STAG1: variants seen among roughly 807,000 people sequenced by gnomAD.
The protein encoded by STAG1 is STAG1 cohesin complex component.
STAG1 carries 26 observed loss-of-function variants against 170.9 expected under a neutral mutation model. The ratio of observed to expected loss-of-function variants is 0.15; its 90% CI spans 0.11 to 0.21. The LOEUF is 0.21. STAG1 is among the 10% of genes least tolerant of loss of function. The pLI is 1.00. For synonymous variants in STAG1, 514 were observed against 497.7 expected (o/e 1.03, Z -0.44); for missense variants, 964 against 1,509.5 (o/e 0.64, Z 5.99).
intron 4 of STAG1, chr3:136,586,808 A>G: frequency 2.2e-6 from 1 of 456,432 alleles, no homozygotes; most frequent in Non-Finnish European, 4.4e-6. Flanking sequence ...TCACCTGAGT[A>G]TGTGGTAAGT....
intron 6 of STAG1, among the ~76,000 whole-genome samples, chr3:136,539,935 C>A (rs1233361921): frequency 6.6e-6 from 1 of 152,062 alleles, no homozygotes; most frequent in African/African-American, 2.4e-5. Flanking sequence ...TGCTGTAATA[C>A]AATATATTAA....
chr3:136,337,398 T>C lies in STAG1; in HGVS notation c.*856A>G, dbSNP rs921497670. ...CAGCAAACTGATAACTTGAGAATCATTTTCGTTTTACTGAGAATACTTTAT... is the reference window on the plus strand; with the variant it reads ...CAGCAAACTGATAACTTGAGAATCACTTTCGTTTTACTGAGAATACTTTAT... On this transcript the variant is annotated 3_prime_UTR_variant, in exon 34 of 34. Coordinates refer to ENST00000383202, the MANE Select transcript of STAG1 (RefSeq NM_005862.3). 7.2e-5 allele frequency: 11 copies of C among 152,736 alleles called. No individual in the cohort carries two copies. Among genetic ancestry groups the C allele is most frequent in the Middle Eastern group, 3.4e-3 (1 of 294 alleles). 9.5% of individuals were successfully genotyped at this position (152,736 alleles called of 1,614,324 possible).
chr3:136,539,547 T>C (rs1219796090), intron 6 of STAG1, among the ~76,000 whole-genome samples: 1 of 152,180 alleles, frequency 6.6e-6, no homozygotes, highest in Non-Finnish European at 1.5e-5. Flanking sequence ...ATGAAAACTA[T>C]GCAATCTGAC....
At chr3:136,498,210 T>TATATATATATATATATATA (rs1274164696) in intron 9 of STAG1, among the ~76,000 whole-genome samples, 2 of 50,840 alleles carry the variant, frequency 3.9e-5, no homozygotes, top group Non-Finnish European at 6.0e-5. Context: ...AAAAAAAAAA[T>TATATATATATATATATATA]TATATATATA....
intron 16 of STAG1, among the ~76,000 whole-genome samples, chr3:136,425,694 A>G (rs889267902): frequency 2.7e-5 from 4 of 150,278 alleles, no homozygotes; most frequent in African/African-American, 4.9e-5. Flanking sequence ...ATGTGTGTGT[A>G]TGTATGTATG....
chr3:136,349,293 T>C lies in STAG1; in HGVS notation c.3136A>G (p.Ile1046Val), dbSNP rs1232889763. The C allele has an allele frequency of 6.2e-7, 1 of 1,613,960 alleles. No individual in the cohort carries two copies. The highest frequency in any genetic ancestry group is 8.5e-7 in the Non-Finnish European group (1 of 1,179,956). Reference sequence around the variant, plus strand: ...GTGACTAATGAATTTCTATAGGAGATGAGTGGAAGCCATACATCCTCCCTC... The same window carrying C: ...GTGACTAATGAATTTCTATAGGAGACGAGTGGAAGCCATACATCCTCCCTC... ...ERREDVWLPL[I>V]SYRNSLVTGG... is the part of the protein sequence containing the mutation. Residue 1046 changes from isoleucine (I) to valine (V), a missense_variant, in exon 29 of 34, where the codon ATC becomes GTC. Coordinates refer to ENST00000383202, the MANE Select transcript of STAG1 (RefSeq NM_005862.3).
At chr3:136,651,283 T>C (rs1246595233) in intron 1 of STAG1, among the ~76,000 whole-genome samples, 1 of 151,548 alleles carries the variant, frequency 6.6e-6, no homozygotes, top group Non-Finnish European at 1.5e-5. Flanking sequence ...GGAGGACTGC[T>C]TGAGCCCGGG....
chr3:136,682,922 A>C (rs1942387824), intron 1 of STAG1, among the ~76,000 whole-genome samples: 1 of 152,262 alleles, frequency 6.6e-6, no homozygotes, highest in Non-Finnish European at 1.5e-5. Context: ...ATAACATGGA[A>C]TATTATTCAG....
intron 1 of STAG1, among the ~76,000 whole-genome samples, chr3:136,661,780 C>G (rs1438619320): frequency 1.3e-5 from 2 of 152,194 alleles, no homozygotes; most frequent in African/African-American, 2.4e-5. Flanking sequence ...GCTGTTGTCT[C>G]TTAAGCACTT....
At chr3:136,478,271 C>G (rs752599144) in intron 9 of STAG1, among the ~76,000 whole-genome samples, 20 of 152,116 alleles carry the variant, frequency 1.3e-4, no homozygotes, top group Non-Finnish European at 2.4e-4. Context: ...GGCAGAACAA[C>G]CCGAAAAGTC....
chr3:136,605,118 T>C (rs1938871228), intron 3 of STAG1, among the ~76,000 whole-genome samples: 1 of 152,208 alleles, frequency 6.6e-6, no homozygotes, highest in South Asian at 2.1e-4. Context: ...ATATTCAACT[T>C]CTACCCCTAC....
At chr3:136,452,232 A>G (rs2088964713) in intron 13 of STAG1, 85 bp from the exon 14 acceptor site, 2 of 787,340 alleles carry the variant, frequency 2.5e-6, no homozygotes, top group African/African-American at 3.4e-5. Context: ...TCAGTGTTTA[A>G]CAACAACAAC....
At chr3:136,679,201 C>A (rs1167697796) in intron 1 of STAG1, among the ~76,000 whole-genome samples, 2 of 152,116 alleles carry the variant, frequency 1.3e-5, no homozygotes, top group Non-Finnish European at 2.9e-5. Context: ...TTGTGGAAAG[C>A]AATTTGGCAA....
intron 1 of STAG1, among the ~76,000 whole-genome samples, chr3:136,661,521 T>C (rs1268208527): frequency 6.6e-6 from 1 of 152,156 alleles, no homozygotes; most frequent in African/African-American, 2.4e-5. Context: ...GTATAAAATA[T>C]GTATACACAT....
At chr3:136,651,193 C>T (rs748402910) in intron 1 of STAG1, among the ~76,000 whole-genome samples, 1 of 151,838 alleles carries the variant, frequency 6.6e-6, no homozygotes, top group Non-Finnish European at 1.5e-5. Context: ...AGTGAGCTCT[C>T]GTCTCTACAA....
chr3:136,535,980 T>C (rs912981566), intron 6 of STAG1, among the ~76,000 whole-genome samples: 1 of 152,162 alleles, frequency 6.6e-6, no homozygotes, highest in Non-Finnish European at 1.5e-5. Flanking sequence ...CACTGTAAAA[T>C]CCAATTTTGT....
chr3:136,405,092 T>C lies in STAG1; in HGVS notation c.2197-6263A>G, dbSNP rs560238175. On this transcript the variant is annotated intron_variant, in intron 21 of 33. Transcript: ENST00000383202. ...GTGTCTGATAGCCAATATTGGTCTA[T>C]CATTTTTAGACTGGGTTAATATGAG... Among the ~76,000 whole-genome samples the C allele has an allele frequency of 2.6e-5, 4 of 152,210 alleles. No homozygotes were observed. In the South Asian group the frequency reaches 6.2e-4, roughly 24 times the overall value.
intron 2 of STAG1, among the ~76,000 whole-genome samples, chr3:136,624,029 C>G (rs1373978346): frequency 6.6e-6 from 1 of 152,036 alleles, no homozygotes; most frequent in Non-Finnish European, 1.5e-5. Context: ...ACAAAACACT[C>G]TTTATTGTAA....
chr3:136,566,490 A>G (rs535542715), intron 5 of STAG1, among the ~76,000 whole-genome samples: 1 of 152,314 alleles, frequency 6.6e-6, no homozygotes, highest in East Asian at 1.9e-4. Context: ...ACATTTATGA[A>G]TGCCCTAAAT....
Sources: allele counts gnomAD v4.1 joint callset (sites outside exome capture counted in the v4.1 genomes callset), GRCh38; gene constraint gnomAD v4.1.1; transcripts MANE v1.5; gene names NCBI Gene and HGNC (gene_info 2026-07-23, HGNC 2026-07-21).